The following PHF2 variants were observed in gnomAD, a reference collection of about 807,000 sequenced individuals.
PHF2 encodes lysine-specific demethylase PHF2.
A neutral mutation model predicts 120.5 loss-of-function variants in PHF2; 27 were observed. The ratio of observed to expected loss-of-function variants is 0.22; its 90% confidence interval spans 0.17 to 0.31. PHF2 has a LOEUF of 0.31. Ranked by LOEUF, PHF2 falls within the 10% of genes least tolerant of loss-of-function variation. The pLI is 1.00. For synonymous variants in PHF2, 568 were observed against 592.5 expected (o/e 0.96, Z 0.60); for missense variants, 1,024 against 1,434.8 (o/e 0.71, Z 4.63).
chr9:93,577,975 A>C lies in PHF2; in HGVS notation c.98+1104A>C, dbSNP rs542662966. ...CAGTCCCAAACCACCGGCAGCAAGC[A>C]GCCGGGGGAAAGAGAGGGGTGTGTG... On this transcript the variant is annotated intron_variant, in intron 1 of 21. Coordinates refer to ENST00000359246, the MANE Select transcript of PHF2 (RefSeq NM_005392.4). 2.6e-5 allele frequency among the ~76,000 whole-genome samples: 4 copies of C among 152,318 alleles called. No homozygotes were observed. In the South Asian group the frequency reaches 8.3e-4, roughly 32 times the overall value.
chr9:93,649,231 G>A lies in PHF2; in HGVS notation c.602+19G>A. 1.3e-6 allele frequency: 2 copies of A among 1,548,780 alleles called. No homozygotes were observed. The highest frequency in any genetic ancestry group is 1.7e-6 in the Non-Finnish European group (2 of 1,145,694). On this transcript the variant is annotated intron_variant, in intron 5 of 21. Coordinates refer to ENST00000359246, the MANE Select transcript of PHF2 (RefSeq NM_005392.4). ...ACACCCGGTGAGTGCTACCACCCTG[G>A]GGGTGTGGGGGCTGGGGTTGGGGCA... is the stretch of plus-strand genomic sequence containing the variant.
intron 1 of PHF2, among the ~76,000 whole-genome samples, chr9:93,618,070 G>T (rs10992804): frequency 0.37 from 56,595 of 152,116 alleles, 10,874 homozygotes; most frequent in Non-Finnish European, 0.4. Context: ...TCACCTCTGT[G>T]TTTGAAATTT....
chr9:93,578,148 C>G (rs1172547846), intron 1 of PHF2, among the ~76,000 whole-genome samples: 1 of 152,132 alleles, frequency 6.6e-6, no homozygotes, highest in East Asian at 1.9e-4. Flanking sequence ...ACCTGGGTGG[C>G]TGGGATGTGA....
intron 1 of PHF2, among the ~76,000 whole-genome samples, chr9:93,586,820 C>T (rs1004280175): frequency 2.0e-5 from 3 of 152,194 alleles, no homozygotes; most frequent in Non-Finnish European, 4.4e-5. Flanking sequence ...GAAGACTGCA[C>T]GGCCCCTGAA....
intron 1 of PHF2, among the ~76,000 whole-genome samples, chr9:93,620,932 G>A (rs1374879697): frequency 6.6e-6 from 1 of 152,244 alleles, no homozygotes; most frequent in Non-Finnish European, 1.5e-5. Context: ...GGCCCCTAAT[G>A]GAGCTCACTG....
chr9:93,671,833 TGTG>T (rs1286543040), intron 17 of PHF2, among the ~76,000 whole-genome samples: 1 of 139,880 alleles, frequency 7.1e-6, no homozygotes, highest in Non-Finnish European at 1.6e-5. Flanking sequence ...TAGATGCAGA[TGTG>T]GGTGTGGGAG....
intron 1 of PHF2, among the ~76,000 whole-genome samples, chr9:93,594,122 G>A (rs1484508434): frequency 6.6e-6 from 1 of 152,134 alleles, no homozygotes; most frequent in African/African-American, 2.4e-5. Context: ...GAGCTGTGGT[G>A]GGTGAGGACA....
intron 1 of PHF2, among the ~76,000 whole-genome samples, chr9:93,587,995 C>T (rs1195990992): frequency 6.6e-6 from 1 of 152,070 alleles, no homozygotes; most frequent in East Asian, 1.9e-4. Context: ...GGCTGTGTGG[C>T]GGGGTGGGCA....
At chr9:93,614,030 C>G (rs1825681865) in intron 1 of PHF2, among the ~76,000 whole-genome samples, 2 of 152,186 alleles carry the variant, frequency 1.3e-5, no homozygotes, top group Admixed American at 1.3e-4. Flanking sequence ...GCATTGTCCC[C>G]TCTCTGGATG....
intron 1 of PHF2, among the ~76,000 whole-genome samples, chr9:93,609,606 C>T (rs1033421123): frequency 6.6e-6 from 1 of 151,434 alleles, no homozygotes. Context: ...ACTCTTCTTG[C>T]TTGCATGACT....
chr9:93,663,154 A>G (rs1826609182), intron 13 of PHF2, 128 bp downstream of exon 13: 2 of 1,322,942 alleles, frequency 1.5e-6, no homozygotes, highest in Non-Finnish European at 2.1e-6. Context: ...CTGAGTAGGT[A>G]GTGCTGTGGG....
intron 1 of PHF2, 142 bp downstream of exon 1, chr9:93,577,013 G>T (rs1862832386): frequency 5.1e-6 from 1 of 195,540 alleles, no homozygotes; most frequent in Admixed American, 6.8e-5. Context: ...GGGCGCCCCG[G>T]TCGGGGCTGG....
intron 3 of PHF2, 129 bp from the exon 4 acceptor site, chr9:93,645,500 C>T (rs1041242037): frequency 2.2e-5 from 21 of 949,394 alleles, no homozygotes; most frequent in Non-Finnish European, 3.0e-5. Context: ...GCCAGGCCTC[C>T]TCCTGTGGCT....
At chr9:93,617,078 A>T (rs1825741236) in intron 1 of PHF2, among the ~76,000 whole-genome samples, 1 of 152,252 alleles carries the variant, frequency 6.6e-6, no homozygotes, top group Non-Finnish European at 1.5e-5. Flanking sequence ...AGATCATTCC[A>T]GGCTTGGCAT....
chr9:93,612,820 C>G (rs551608263), intron 1 of PHF2, among the ~76,000 whole-genome samples: 2 of 152,334 alleles, frequency 1.3e-5, no homozygotes, highest in South Asian at 4.1e-4. Flanking sequence ...GGGGTGTCCC[C>G]CACCCACCAG....
In PHF2 at chr9:93,620,077, CCACAAGCAGCCTGTGA is replaced by C. The variant is rs375426160; in HGVS notation, c.99-9891_99-9876del. Reference sequence around the variant, plus strand: ...GACTCTGCAGTCCTGGCTCACCTGACCACAAGCAGCCTGTGACCTGCTCTTTCTGCAGATGTGGGTG... The same window carrying C: ...GACTCTGCAGTCCTGGCTCACCTGACCCTGCTCTTTCTGCAGATGTGGGTG... On this transcript the variant is annotated intron_variant, in intron 1 of 21. Transcript: ENST00000359246. Among the ~76,000 whole-genome samples, 21 of 152,326 alleles carry C rather than the reference CCACAAGCAGCCTGTGA, an allele frequency of 1.4e-4. No individual in the cohort carries two copies. In the Middle Eastern group the frequency reaches 0.014, roughly 99 times the overall value.
chr9:93,632,377 T>C (rs1461138086), intron 2 of PHF2, among the ~76,000 whole-genome samples: 1 of 152,214 alleles, frequency 6.6e-6, no homozygotes, highest in Non-Finnish European at 1.5e-5. Flanking sequence ...TGTGTATGTG[T>C]GTGTGCATGT....
intron 7 of PHF2, 131 bp from the exon 8 acceptor site, chr9:93,655,803 G>A (rs938811593): frequency 4.7e-6 from 3 of 643,598 alleles, no homozygotes; most frequent in East Asian, 2.9e-5. Context: ...AGGTGTAGGC[G>A]GGCAGGAGCT....
At chr9:93,661,896 G>C (rs1826574169) in intron 12 of PHF2, among the ~76,000 whole-genome samples, 2 of 150,570 alleles carry the variant, frequency 1.3e-5, no homozygotes, top group South Asian at 2.1e-4. Flanking sequence ...GGATGGAATG[G>C]ATGGGTAGAT....
Sources: allele counts gnomAD v4.1 joint callset (sites outside exome capture counted in the v4.1 genomes callset), GRCh38; gene constraint gnomAD v4.1.1; transcripts MANE v1.5; gene names NCBI Gene and HGNC (gene_info 2026-07-23, HGNC 2026-07-21).